The following IGSF10 variants were observed in gnomAD, a reference collection of about 807,000 sequenced individuals.
The protein encoded by IGSF10 is immunoglobulin superfamily member 10.
In IGSF10, 126 loss-of-function variants were observed where a neutral mutation model predicts 128.2. That is an observed-to-expected ratio of 0.98 (90% confidence interval 0.85 to 1.14). IGSF10 has a LOEUF of 1.14. Among genes scored for constraint, IGSF10 ranks in the 50% most tolerant of loss-of-function variants. The probability of loss-of-function intolerance (pLI) is 0.00; values close to 1 mark genes in which losing one functional copy is unlikely to be tolerated. For synonymous variants in IGSF10, 1,185 were observed against 1,146.2 expected, an observed-to-expected ratio of 1.03 and a Z score of -0.68; for missense variants, 3,295 against 3,149.8, an observed-to-expected ratio of 1.05 and a Z score of -1.10.
chr3:151,495,710 T>A, the IGSF10 span, among the ~76,000 whole-genome samples: 1 of 152,082 alleles, frequency 6.6e-6, no homozygotes, highest in Non-Finnish European at 1.5e-5. Flanking sequence ...CCAAAAGGCA[T>A]CTAGCCAGAG....
At chr3:151,474,362 C>T in the IGSF10 span, among the ~76,000 whole-genome samples, 1 of 152,194 alleles carries the variant, frequency 6.6e-6, no homozygotes, top group African/African-American at 2.4e-5. Context: ...GATGTGTTTA[C>T]AGGAGCAACT....
Position 151,436,603 on chromosome 3 carries a change from T to C in IGSF10, c.*86A>G. 1 of 892,832 alleles carries C rather than the reference T, an allele frequency of 1.1e-6. No individual in the cohort carries two copies. Among genetic ancestry groups the C allele is most frequent in the Non-Finnish European group, 1.7e-6 (1 of 573,382 alleles). 55.3% of individuals were successfully genotyped at this position (892,832 alleles called of 1,614,324 possible). ...TTTAATACTGTAAATGTATTCAAAT[T>C]CATTTACATGCCTATGGCTGCCTTT... On this transcript the variant is annotated 3_prime_UTR_variant, in exon 8 of 8. Transcript: ENST00000282466.
Position 151,443,543 on chromosome 3 carries a change from C to T in IGSF10, c.5404G>A (p.Asp1802Asn), listed in dbSNP as rs1720990424. The T allele has an allele frequency of 6.2e-7, 1 of 1,614,122 alleles. No individual in the cohort carries two copies. Among genetic ancestry groups the T allele is most frequent in the African/African-American group, 1.3e-5 (1 of 74,942 alleles). Residue 1802 changes from aspartate (D) to asparagine (N), a missense_variant, in exon 7 of 8, where the codon GAC becomes AAC. By Grantham distance (23) the Asp-to-Asn change is conservative (BLOSUM62 1). Transcript: ENST00000282466. ...QGSRQAVVTV[D>N]GTLVLHNLSI... ...AGATTGTGGAGGACCAATGTTCCGT[C>T]AACCGTCACCACAGCCTGCCTACTT...
chr3:151,526,670 C>T, the IGSF10 span, among the ~76,000 whole-genome samples: 1 of 151,884 alleles, frequency 6.6e-6, no homozygotes, highest in Non-Finnish European at 1.5e-5. Flanking sequence ...AATTTCTTTC[C>T]TTGATGTTTT....
the IGSF10 span, among the ~76,000 whole-genome samples, chr3:151,614,307 C>A: frequency 2.6e-5 from 4 of 152,164 alleles, no homozygotes; most frequent in East Asian, 1.9e-4. Flanking sequence ...TTGACCCAGC[C>A]ATCCCATTAC....
rs1459314391 is a variant in IGSF10 at position 151,438,492 on chromosome 3, C to T, written c.6069G>A (p.Gly2023=). ...TAACATGCATCAGTATCAGATCATCCCCCATTTTGTTTCTTGCCACACACA... is the reference window on the plus strand; with the variant it reads ...TAACATGCATCAGTATCAGATCATCTCCCATTTTGTTTCTTGCCACACACA... The part of the protein sequence containing the change: ...VYLCVARNKM[G]DDLILMHVSL... Residue 2023 remains glycine, a synonymous_variant, in exon 8 of 8, where the codon GGG becomes GGA. Coordinates refer to ENST00000282466, the MANE Select transcript of IGSF10 (RefSeq NM_178822.5). 1.2e-6 allele frequency: 2 copies of T among 1,614,050 alleles called. No individual in the cohort carries two copies. The highest frequency in any genetic ancestry group is 1.7e-6 in the Non-Finnish European group (2 of 1,180,002).
chr3:151,461,305 T>TCC, upstream of IGSF10: 1 of 985,324 alleles, frequency 1.0e-6, no homozygotes, highest in Admixed American at 6.1e-5. Context: ...CTTGACCTCT[T>TCC]CCACCTGTTG....
the IGSF10 span, among the ~76,000 whole-genome samples, chr3:151,490,990 C>T: frequency 1.3e-5 from 2 of 151,422 alleles, no homozygotes; most frequent in Non-Finnish European, 2.9e-5. Context: ...CCAAAATTAG[C>T]GGAAGGAAGG....
the IGSF10 span, among the ~76,000 whole-genome samples, chr3:151,547,027 C>T: frequency 2.0e-5 from 3 of 152,040 alleles, no homozygotes; most frequent in Non-Finnish European, 4.4e-5. Flanking sequence ...CCCCCCTTGG[C>T]CTCCCAAAGT....
the IGSF10 span, among the ~76,000 whole-genome samples, chr3:151,498,361 TGA>T: frequency 2.6e-5 from 4 of 152,142 alleles, no homozygotes; most frequent in East Asian, 1.9e-4. Context: ...CCTAATTTAT[TGA>T]GAGTTTTTTA....
At chr3:151,576,746 A>T in the IGSF10 span, among the ~76,000 whole-genome samples, 1 of 152,206 alleles carries the variant, frequency 6.6e-6, no homozygotes, top group Non-Finnish European at 1.5e-5. Flanking sequence ...AGAGTTTACA[A>T]ATGCCATGCT....
At chr3:151,518,699 G>A in the IGSF10 span, among the ~76,000 whole-genome samples, 2 of 152,038 alleles carry the variant, frequency 1.3e-5, no homozygotes, top group East Asian at 1.9e-4. Context: ...GTTGTATTGA[G>A]TTTTGGGACA....
chr3:151,574,702 T>A, the IGSF10 span, among the ~76,000 whole-genome samples: 7 of 152,180 alleles, frequency 4.6e-5, no homozygotes, highest in African/African-American at 1.7e-4. Flanking sequence ...ATTACTGACT[T>A]TCTGAAGCCT....
the IGSF10 span, among the ~76,000 whole-genome samples, chr3:151,564,563 G>C: frequency 6.6e-6 from 1 of 152,112 alleles, no homozygotes; most frequent in African/African-American, 2.4e-5. Flanking sequence ...TTGCATTCAG[G>C]CATGGAAATA....
chr3:151,553,254 ACTTTC>A, the IGSF10 span, among the ~76,000 whole-genome samples: 10 of 152,130 alleles, frequency 6.6e-5, no homozygotes, highest in African/African-American at 2.2e-4. Flanking sequence ...TGTGAAATTT[ACTTTC>A]CTTTATTTCA....
chr3:151,604,871 A>C, the IGSF10 span, among the ~76,000 whole-genome samples: 1 of 152,126 alleles, frequency 6.6e-6, no homozygotes, highest in South Asian at 2.1e-4. Context: ...CATGTCTTTG[A>C]TTATAATATT....
At chr3:151,484,310 TATAG>T in the IGSF10 span, among the ~76,000 whole-genome samples, 5 of 152,086 alleles carry the variant, frequency 3.3e-5, no homozygotes, top group African/African-American at 1.2e-4. Flanking sequence ...GTCAGGGACT[TATAG>T]ATAAAAACCC....
chr3:151,560,615 G>A, the IGSF10 span, among the ~76,000 whole-genome samples: 31 of 152,180 alleles, frequency 2.0e-4, no homozygotes, highest in South Asian at 6.0e-3. Flanking sequence ...AAGTTATGAT[G>A]TTAATTTAAT....
At chr3:151,470,691 G>C in the IGSF10 span, among the ~76,000 whole-genome samples, 2 of 152,150 alleles carry the variant, frequency 1.3e-5, no homozygotes, top group African/African-American at 2.4e-5. Context: ...TAGGCCCATT[G>C]CATACTATAG....
Sources: gnomAD v4.1 joint callset for allele counts (sites outside exome capture counted in the v4.1 genomes callset) on GRCh38, gnomAD v4.1.1 for gene constraint, MANE v1.5 for transcripts, NCBI Gene and HGNC (gene_info 2026-07-23, HGNC 2026-07-21) for gene names.